Variants in ATXN2L observed in about 807,000 individuals in gnomAD.
The protein encoded by ATXN2L is ataxin 2 like.
A neutral mutation model predicts 120.7 loss-of-function variants in ATXN2L; 24 were observed. The observed-to-expected ratio is 0.20, with a 90% CI of 0.14 to 0.28. The LOEUF (loss-of-function observed/expected upper bound fraction) is 0.28, where lower values mean the gene tolerates loss of function less well. Ranked by LOEUF, ATXN2L falls within the 10% of genes least tolerant of loss-of-function variation. The probability of loss-of-function intolerance (pLI) is 1.00; values close to 1 mark genes in which losing one functional copy is unlikely to be tolerated. For synonymous variants in ATXN2L, 653 were observed against 568.1 expected, an observed-to-expected ratio of 1.15 and a Z score of -2.13; for missense variants, 1,312 against 1,432.3, an observed-to-expected ratio of 0.92 and a Z score of 1.36.
chr16:28,831,781 G>T (rs1297897976), intron 10 of ATXN2L, among the ~76,000 whole-genome samples: 1 of 152,182 alleles, frequency 6.6e-6, no homozygotes, highest in Non-Finnish European at 1.5e-5. Flanking sequence ...CTACTTGCGA[G>T]GCTGAGGTGG....
Position 28,823,295 on chromosome 16 carries a change from G to T in ATXN2L, c.36G>T (p.Gln12His). 1.3e-6 allele frequency: 2 copies of T among 1,494,714 alleles called. No homozygotes were observed. The highest frequency in any genetic ancestry group is 8.9e-7 in the Non-Finnish European group (1 of 1,123,088). 92.6% of individuals were successfully genotyped at this position (1,494,714 alleles called of 1,614,324 possible). A position where few individuals can be genotyped will look rare whatever the true frequency, so the allele number is the denominator to read the frequency against. Residue 12 changes from glutamine (Q) to histidine (H), a missense_variant, in exon 1 of 22, where the codon CAG becomes CAT. Gln to His is a conservative substitution (Grantham distance 24). Coordinates refer to ENST00000336783, the MANE Select transcript of ATXN2L (RefSeq NM_007245.4). ...CTCAGCCGCTACAACAGCCCTCCCA[G>T]CCCCAGCAGCCGCCCCCCACGCAAC... is the stretch of plus-strand genomic sequence containing the variant. ...LKPQPLQQPS[Q>H]PQQPPPTQQA... is the part of the protein sequence containing the mutation.
intron 1 of ATXN2L, chr16:28,823,791 G>A: frequency 2.4e-6 from 1 of 412,022 alleles, no homozygotes; most frequent in Non-Finnish European, 4.1e-6. Context: ...GTCAGGGCTC[G>A]CAGCCCCGGC....
At chr16:28,829,625 C>T (rs763837497) in intron 7 of ATXN2L, 133 bp downstream of exon 7, 3 of 787,796 alleles carry the variant, frequency 3.8e-6, no homozygotes, top group Non-Finnish European at 6.3e-6. Flanking sequence ...TACTCCTACT[C>T]TGCCTTGTGG....
In ATXN2L at chr16:28,836,409, A is replaced by G; in HGVS notation, c.*144A>G. Reference sequence around the variant, plus strand: ...CCTTTGCTTCCCTCCGTCCTCGCTCAGTTGTGATCCAGCAGCCCCCCTCCC... The same window carrying G: ...CCTTTGCTTCCCTCCGTCCTCGCTCGGTTGTGATCCAGCAGCCCCCCTCCC... On this transcript the variant is annotated 3_prime_UTR_variant, in exon 22 of 22. Coordinates refer to ENST00000336783, the MANE Select transcript of ATXN2L (RefSeq NM_007245.4). 6.2e-7 allele frequency: 1 copy of G among 1,613,354 alleles called. No individual in the cohort carries two copies. Among genetic ancestry groups the G allele is most frequent in the Non-Finnish European group, 8.5e-7 (1 of 1,179,898 alleles).
chr16:28,823,450 C>T lies in ATXN2L; in HGVS notation c.191C>T (p.Ala64Val). 3 of 1,326,392 alleles carry T rather than the reference C, an allele frequency of 2.3e-6. No individual in the cohort carries two copies. The highest frequency in any genetic ancestry group is 2.9e-4 in the Middle Eastern group (1 of 3,486). The allele number at this position is 1,326,392 out of a possible 1,614,324, so 82.2% of individuals were successfully genotyped here. ...TCCCCCTGCCTGGGGCCTGTGGCCG[C>T]TGCCGGGAGCGGGCTCCGCCGGGGA... is the stretch of plus-strand genomic sequence containing the variant. ...AASPCLGPVA[A>V]AGSGLRRGAE... Residue 64 changes from alanine to valine, a missense_variant, in exon 1 of 22, where the codon GCT becomes GTT. Physicochemically the swap from Ala to Val is moderately conservative, Grantham distance 64 (BLOSUM62 0). Coordinates refer to ENST00000336783, the MANE Select transcript of ATXN2L (RefSeq NM_007245.4).
At position 28,832,850 on chromosome 16, in the gene ATXN2L, A is replaced by T; in HGVS notation, c.1622A>T (p.Gln541Leu). The T allele has an allele frequency of 6.2e-7, 1 of 1,614,226 alleles. No homozygotes were observed. The highest frequency in any genetic ancestry group is 8.5e-7 in the Non-Finnish European group (1 of 1,180,038). ...CTTCAGAATGAACAGAAACGATTCCAACTGGAAGAACTGAGAAAGTTTGGG... is the reference window on the plus strand; with the variant it reads ...CTTCAGAATGAACAGAAACGATTCCTACTGGAAGAACTGAGAAAGTTTGGG... ...PGLQNEQKRF[Q>L]LEELRKFGAQ... The change falls in exon 13 of 22, where the codon CAA becomes CTA. Residue 541 changes from glutamine to leucine, a missense_variant. By Grantham distance (113) the Gln-to-Leu change is moderately radical. Coordinates refer to ENST00000336783, the MANE Select transcript of ATXN2L (RefSeq NM_007245.4).
chr16:28,827,537 G>A (rs1254291312), intron 6 of ATXN2L, among the ~76,000 whole-genome samples: 1 of 151,978 alleles, frequency 6.6e-6, no homozygotes, highest in Non-Finnish European at 1.5e-5. Context: ...TTAATGTGTA[G>A]GCCCATTTCT....
rs1188126798 is a variant in ATXN2L, at chr16:28,823,541, C to T, written c.282C>T (p.Ala94=). 3 of 1,366,340 alleles carry T rather than the reference C, an allele frequency of 2.2e-6. No individual in the cohort carries two copies. The highest frequency in any genetic ancestry group is 2.8e-6 in the Non-Finnish European group (3 of 1,062,274). The allele number at this position is 1,366,340 out of a possible 1,614,324, so 84.6% of individuals were successfully genotyped here. Residue 94 remains alanine, a synonymous_variant, in exon 1 of 22, where the codon GCC becomes GCT. Transcript: ENST00000336783. ...AACACCAGGAGAGGCCGGGGGCAGCCGCCATCGGCAGCGCCAGGTGAGAAG... is the reference window on the plus strand; with the variant it reads ...AACACCAGGAGAGGCCGGGGGCAGCTGCCATCGGCAGCGCCAGGTGAGAAG... The part of the protein sequence containing the change: ...PQQHQERPGA[A]AIGSARGQST...
chr16:28,830,874 GT>G, intron 9 of ATXN2L, 84 bp downstream of exon 9: 1 of 1,512,280 alleles, frequency 6.6e-7, no homozygotes, highest in Non-Finnish European at 8.9e-7. Context: ...GTTTGGGTGT[GT>G]TGGAATGACG....
intron 19 of ATXN2L, 43 bp downstream of exon 19, chr16:28,835,230 GC>G (rs1959938814): frequency 5.6e-6 from 9 of 1,610,366 alleles, no homozygotes; most frequent in Non-Finnish European, 6.8e-6. Context: ...CTGTGTGCCA[GC>G]CCCCTCTGGT....
chr16:28,836,768 G>C lies in ATXN2L; in HGVS notation c.*503G>C. ...CCCAGCAGCTCCCCTTCCACCCCCC[G>C]GGGAACTGAAGATTGTCCTGGCCGC... On this transcript the variant is annotated 3_prime_UTR_variant, in exon 22 of 22. Coordinates refer to ENST00000336783, the MANE Select transcript of ATXN2L (RefSeq NM_007245.4). The C allele has an allele frequency of 6.2e-7, 1 of 1,613,734 alleles. No individual in the cohort carries two copies. Among genetic ancestry groups the C allele is most frequent in the Non-Finnish European group, 8.5e-7 (1 of 1,179,918 alleles).
chr16:28,825,864 A>T (rs2051737852), intron 4 of ATXN2L, 23 bp downstream of exon 4: 1 of 1,599,784 alleles, frequency 6.3e-7, no homozygotes, highest in South Asian at 1.1e-5. Context: ...AAATTTAATT[A>T]TTTTTGGAGT....
At chr16:28,831,478 C>G (rs139053175) in intron 10 of ATXN2L, among the ~76,000 whole-genome samples, 5 of 152,298 alleles carry the variant, frequency 3.3e-5, no homozygotes, top group South Asian at 2.1e-4. Context: ...CAGGCACCCA[C>G]CACCACGGCT....
intron 5 of ATXN2L, 146 bp from the exon 6 acceptor site, chr16:28,826,716 C>G (rs1438639848): frequency 1.0e-6 from 1 of 971,894 alleles, no homozygotes; most frequent in African/African-American, 1.7e-5. Context: ...CTCCCCACCC[C>G]CTGGCCATCC....
At position 28,835,937 on chromosome 16, in the gene ATXN2L, A is replaced by G. The variant is rs1311504316; in HGVS notation, c.2900A>G (p.His967Arg). ...FTNMAHVTQA[H>R]VQTGITAAPP... The stretch of plus-strand genomic sequence containing the variant: ...CTACTTTTTTGTTTTCCACAGGCCC[A>G]TGTCCAAACTGGAATCACAGCAGCC... Residue 967 changes from histidine to arginine, a missense_variant, in exon 22 of 22, where the codon CAT becomes CGT. Physicochemically the swap from His to Arg is conservative, Grantham distance 29. Coordinates refer to ENST00000336783, the MANE Select transcript of ATXN2L (RefSeq NM_007245.4). The G allele has an allele frequency of 1.9e-6, 3 of 1,542,502 alleles. No individual in the cohort carries two copies. The highest frequency in any genetic ancestry group is 2.3e-5 in the East Asian group (1 of 44,274).
At position 28,835,105 on chromosome 16, in the gene ATXN2L, G is replaced by C; in HGVS notation, c.2481G>C (p.Ser827=). The change falls in exon 19 of 22, where the codon TCG becomes TCC. Residue 827 remains serine, a synonymous_variant. Coordinates refer to ENST00000336783, the MANE Select transcript of ATXN2L (RefSeq NM_007245.4). ...MLQSNPRMLT[S]GSHPQAIVSS... ...AGAGCAACCCACGCATGCTGACGTC[G>C]GGCAGCCATCCCCAGGCCATCGTGT... is the stretch of plus-strand genomic sequence containing the variant. 1 of 1,613,844 alleles carries C rather than the reference G, an allele frequency of 6.2e-7. No individual in the cohort carries two copies. The highest frequency in any genetic ancestry group is 8.5e-7 in the Non-Finnish European group (1 of 1,179,898).
At chr16:28,833,838 C>T (rs1024312921) in intron 15 of ATXN2L, 1 of 655,978 alleles carries the variant, frequency 1.5e-6, no homozygotes. Flanking sequence ...GGCTTGAGCC[C>T]CTGTATTTGG....
rs1567387515 is a variant in ATXN2L, at chr16:28,823,213, C to T, written c.-47C>T. The T allele has an allele frequency of 5.5e-6, 7 of 1,270,238 alleles. No homozygotes were observed. The highest frequency in any genetic ancestry group is 1.6e-5 in the African/African-American group (1 of 63,784). 78.7% of individuals were successfully genotyped at this position (1,270,238 alleles called of 1,614,324 possible). The stretch of plus-strand genomic sequence containing the variant: ...TCCAGCGGGGCCCCAGCCCCGGCCC[C>T]CTCTCTCCCTCCCTTCTCTCTAATT... On this transcript the variant is annotated 5_prime_UTR_variant, in exon 1 of 22. Coordinates refer to ENST00000336783, the MANE Select transcript of ATXN2L (RefSeq NM_007245.4).
Position 28,832,881 on chromosome 16 carries a change from G to C in ATXN2L, c.1653G>C (p.Gln551His), listed in dbSNP as rs374234496. Residue 551 changes from glutamine (Q) to histidine (H), a missense_variant, in exon 13 of 22, where the codon CAG (glutamine) becomes CAC (histidine). Gln to His is a conservative substitution (Grantham distance 24, BLOSUM62 0). Coordinates refer to ENST00000336783, the MANE Select transcript of ATXN2L (RefSeq NM_007245.4). ...QLEELRKFGA[Q>H]FKLQPSSSPE... ...AAGAACTGAGAAAGTTTGGGGCCCA[G>C]TTTAAGGTGAGAGAAGAGTGAGCTG... 1.2e-6 allele frequency: 2 copies of C among 1,614,224 alleles called. No homozygotes were observed. The highest frequency in any genetic ancestry group is 8.5e-7 in the Non-Finnish European group (1 of 1,180,032).
Sources: allele counts gnomAD v4.1 joint callset (sites outside exome capture counted in the v4.1 genomes callset), GRCh38; gene constraint gnomAD v4.1.1; transcripts MANE v1.5; gene names NCBI Gene and HGNC (gene_info 2026-07-23, HGNC 2026-07-21).